The following EFCAB3 variants were observed in gnomAD, a reference collection of about 807,000 sequenced individuals.
EFCAB3 encodes the protein EF-hand calcium-binding domain-containing protein 3.
Under a neutral mutation model 42.2 loss-of-function variants are expected in EFCAB3, and 36 were observed. The ratio of observed to expected loss-of-function variants is 0.85; its 90% CI spans 0.65 to 1.13. EFCAB3 has a LOEUF of 1.13. Ranked by LOEUF, EFCAB3 falls within the 50% of genes most tolerant of loss-of-function variation. The pLI, the probability that EFCAB3 is intolerant of heterozygous loss-of-function variation, is 0.00. For missense variants in EFCAB3, 418 were observed against 505.1 expected, an observed-to-expected ratio of 0.83 and a Z score of 1.65; for synonymous variants, 170 against 172.8, an observed-to-expected ratio of 0.98 and a Z score of 0.13.
chr17:62,414,851 C>G (rs1462072036), intron 9 of EFCAB3, among the ~76,000 whole-genome samples: 1 of 152,124 alleles, frequency 6.6e-6, no homozygotes, highest in Non-Finnish European at 1.5e-5. Context: ...CACCTGTAAT[C>G]CTAGCACTTT....
At chr17:62,392,660 C>T (rs1057477879) in intron 4 of EFCAB3, among the ~76,000 whole-genome samples, 8 of 151,270 alleles carry the variant, frequency 5.3e-5, no homozygotes, top group Non-Finnish European at 7.4e-5. Context: ...TTGTTTGAGA[C>T]GGAGTCTTGC....
chr17:62,395,331 T>C, intron 6 of EFCAB3, 143 bp downstream of exon 6: 1 of 1,070,162 alleles, frequency 9.3e-7, no homozygotes, highest in East Asian at 2.5e-5. Flanking sequence ...CAAATGCCCT[T>C]GTGCTACAAC....
rs143674433 is a variant in EFCAB3 at position 62,406,669 on chromosome 17, C to G, written c.678C>G (p.Leu226=). Reference sequence around the variant, plus strand: ...ATTTATTTAAATTTCTTGAAGAGCTCAAGAGTAAGAGCCATTTGTTCTCTC... The same window carrying G: ...ATTTATTTAAATTTCTTGAAGAGCTGAAGAGTAAGAGCCATTTGTTCTCTC... The part of the protein sequence containing the change: ...EKDLFKFLEE[L]KRCNSGSDSP... The change falls in exon 7 of 10, where the codon CTC becomes CTG. Residue 226 remains leucine (L), a synonymous_variant. Transcript: ENST00000305286. 1.2e-6 allele frequency: 2 copies of G among 1,613,608 alleles called. No individual in the cohort carries two copies. The highest frequency in any genetic ancestry group is 1.7e-6 in the Non-Finnish European group (2 of 1,179,854).
intron 6 of EFCAB3, among the ~76,000 whole-genome samples, chr17:62,405,522 T>A (rs933367673): frequency 6.6e-6 from 1 of 152,248 alleles, no homozygotes; most frequent in Non-Finnish European, 1.5e-5. Flanking sequence ...CCCAGAACAC[T>A]GAGATGTGAG....
chr17:62,403,122 C>T (rs1216162715), intron 6 of EFCAB3, among the ~76,000 whole-genome samples: 2 of 152,018 alleles, frequency 1.3e-5, no homozygotes, highest in Non-Finnish European at 2.9e-5. Context: ...ATATCTGTGT[C>T]CACACATACT....
intron 1 of EFCAB3, 195 bp downstream of exon 1, chr17:62,380,808 G>C (rs1013996949): frequency 7.3e-5 from 12 of 165,466 alleles, no homozygotes; most frequent in African/African-American, 2.6e-4. Flanking sequence ...AGATTTTGAG[G>C]ACTTGTAATT....
chr17:62,370,371 T>C, intron 1 of EFCAB3: 2 of 1,542,720 alleles, frequency 1.3e-6, no homozygotes, highest in Non-Finnish European at 1.8e-6. Flanking sequence ...AGTGTATTTT[T>C]GGGCTGGGCA....
In EFCAB3 at chr17:62,406,667, C is replaced by A; in HGVS notation, c.676C>A (p.Leu226Ile). Residue 226 changes from leucine (L) to isoleucine (I), a missense_variant, in exon 7 of 10, where the codon CTC becomes ATC. Coordinates refer to ENST00000305286, the MANE Select transcript of EFCAB3 (RefSeq NM_173503.4). The part of the protein sequence containing the change: ...EKDLFKFLEE[L>I]KRCNSGSDSP... ...GGATTTATTTAAATTTCTTGAAGAG[C>A]TCAAGAGTAAGAGCCATTTGTTCTC... 6.2e-7 allele frequency: 1 copy of A among 1,613,802 alleles called. No homozygotes were observed. Among genetic ancestry groups the A allele is most frequent in the South Asian group, 1.1e-5 (1 of 91,046 alleles).
At chr17:62,409,081 A>G (rs1281648146) in intron 8 of EFCAB3, among the ~76,000 whole-genome samples, 1 of 152,048 alleles carries the variant, frequency 6.6e-6, no homozygotes, top group African/African-American at 2.4e-5. Context: ...TTTTTGAGTC[A>G]GAGTCTTGCT....
intron 3 of EFCAB3, among the ~76,000 whole-genome samples, chr17:62,390,066 A>G (rs574426514): frequency 7.9e-5 from 12 of 152,072 alleles, no homozygotes; most frequent in Non-Finnish European, 1.5e-4. Context: ...GATTACAGGC[A>G]TGAGCCACCG....
At chr17:62,392,178 T>C (rs1025613351) in intron 4 of EFCAB3, among the ~76,000 whole-genome samples, 1 of 149,590 alleles carries the variant, frequency 6.7e-6, no homozygotes, top group Non-Finnish European at 1.5e-5. Flanking sequence ...ATTATATGTT[T>C]GTAGACTATA....
At chr17:62,409,751 A>G (rs1348539022) in intron 8 of EFCAB3, among the ~76,000 whole-genome samples, 1 of 151,728 alleles carries the variant, frequency 6.6e-6, no homozygotes, top group Non-Finnish European at 1.5e-5. Context: ...ACATGCATAC[A>G]TATGTATATT....
At chr17:62,405,760 T>C (rs983783548) in intron 6 of EFCAB3, among the ~76,000 whole-genome samples, 2 of 152,218 alleles carry the variant, frequency 1.3e-5, no homozygotes, top group Non-Finnish European at 2.9e-5. Context: ...TCTTAAAGAA[T>C]GTATAACCTA....
chr17:62,392,592 T>G (rs2070313160), intron 4 of EFCAB3, among the ~76,000 whole-genome samples: 1 of 152,204 alleles, frequency 6.6e-6, no homozygotes, highest in East Asian at 1.9e-4. Context: ...ATATTGAATT[T>G]TAAATGCCAC....
intron 6 of EFCAB3, among the ~76,000 whole-genome samples, chr17:62,402,472 CTAAT>C (rs1361484915): frequency 1.3e-5 from 2 of 152,116 alleles, no homozygotes; most frequent in Non-Finnish European, 2.9e-5. Flanking sequence ...CCATCAATAC[CTAAT>C]TTATTGAGAG....
chr17:62,393,571 A>G lies in EFCAB3; in HGVS notation c.296-2A>G. ...GTCCTGAGTCTCAGATTTTTGTTGC[A>G]GGAGATGGGAAGGTGAACTTCTCAG... On this transcript the variant is annotated splice_acceptor_variant, in intron 4 of 9. Transcript: ENST00000305286. LOFTEE classifies it high-confidence loss of function. 2 of 1,613,642 alleles carry G rather than the reference A, an allele frequency of 1.2e-6. No homozygotes were observed. The highest frequency in any genetic ancestry group is 1.7e-6 in the Non-Finnish European group (2 of 1,179,660).
chr17:62,397,576 G>C (rs918338893), intron 6 of EFCAB3: 4 of 599,776 alleles, frequency 6.7e-6, no homozygotes, highest in South Asian at 5.6e-5. Flanking sequence ...AAAAAATAGG[G>C]GTTGAAACCA....
intron 3 of EFCAB3, among the ~76,000 whole-genome samples, chr17:62,390,130 G>A (rs2070290896): frequency 6.6e-6 from 1 of 152,134 alleles, no homozygotes; most frequent in African/African-American, 2.4e-5. Flanking sequence ...AAATGGCAGA[G>A]GTAGCAATAG....
chr17:62,405,258 A>G (rs568333828), intron 6 of EFCAB3, among the ~76,000 whole-genome samples: 1 of 152,346 alleles, frequency 6.6e-6, no homozygotes, highest in African/African-American at 2.4e-5. Context: ...AGGCTAGGGA[A>G]GAAAGTATCT....
Sources: allele counts gnomAD v4.1 joint callset (sites outside exome capture counted in the v4.1 genomes callset), GRCh38; gene constraint gnomAD v4.1.1; transcripts MANE v1.5; gene names NCBI Gene and HGNC (gene_info 2026-07-23, HGNC 2026-07-21).